Variants in PADI2 observed in about 807,000 individuals in gnomAD.
The protein encoded by PADI2 is protein-arginine deiminase type-2.
Under a neutral mutation model 81.1 loss-of-function variants are expected in PADI2, and 70 were observed. The ratio of observed to expected loss-of-function variants is 0.86; its 90% CI spans 0.71 to 1.05. PADI2 has a LOEUF of 1.05. Among genes scored for constraint, PADI2 ranks in the 50% least tolerant of loss-of-function variants. The probability of loss-of-function intolerance (pLI) is 0.00; values close to 1 mark genes in which losing one functional copy is unlikely to be tolerated. For synonymous variants in PADI2, 338 were observed against 358.0 expected, an observed-to-expected ratio of 0.94 and a Z score of 0.63; for missense variants, 853 against 889.9, an observed-to-expected ratio of 0.96 and a Z score of 0.53.
At position 17,097,811 on chromosome 1, in the gene PADI2, T is replaced by C. The variant is rs183947298; in HGVS notation, c.350-1841A>G. ...CAGGAATAATACTGGTTTTGGTTCC[T>C]GGACCTTTGTGAACTTTCCAGCCGG... On this transcript the variant is annotated intron_variant, in intron 3 of 15. Coordinates refer to ENST00000375486, the MANE Select transcript of PADI2 (RefSeq NM_007365.3). Among the ~76,000 whole-genome samples, 216 of 152,272 alleles carry C rather than the reference T, an allele frequency of 1.4e-3. 1 individual carries two copies. The highest frequency in any genetic ancestry group is 5.1e-3 in the African/African-American group (210 of 41,562).
At position 17,086,620 on chromosome 1, in the gene PADI2, G is replaced by A. The variant is rs201809367; in HGVS notation, c.735C>T (p.Ser245=). 8.7e-6 allele frequency: 14 copies of A among 1,614,046 alleles called. No homozygotes were observed. Among genetic ancestry groups the A allele is most frequent in the East Asian group, 2.2e-5 (1 of 44,860 alleles). ...CTTCCACGAAGAACAGCAGCTCCGC[G>A]GAGCCACCCGTGTACTTGACCACAT... is the stretch of plus-strand genomic sequence containing the variant. ...LYHVVKYTGG[S]AELLFFVEGL... Residue 245 remains serine, a synonymous_variant, in exon 7 of 16, where the codon TCC becomes TCT. Transcript: ENST00000375486.
At chr1:17,079,856 A>G (rs895664572) in intron 10 of PADI2, among the ~76,000 whole-genome samples, 36 of 150,928 alleles carry the variant, frequency 2.4e-4, no homozygotes, top group African/African-American at 8.8e-4. Context: ...GTGCGGTGGC[A>G]TGATCTCAGC....
intron 1 of PADI2, among the ~76,000 whole-genome samples, chr1:17,106,912 AC>A (rs1931400789): frequency 6.6e-6 from 1 of 150,902 alleles, no homozygotes; most frequent in Admixed American, 6.6e-5. Flanking sequence ...GAAAGCCGTC[AC>A]CAGAACCCCG....
intron 11 of PADI2, among the ~76,000 whole-genome samples, chr1:17,078,638 T>C (rs1351033192): frequency 6.6e-6 from 1 of 152,194 alleles, no homozygotes; most frequent in Non-Finnish European, 1.5e-5. Flanking sequence ...TCTGCTTGCC[T>C]CGGCCTCCCA....
Position 17,069,022 on chromosome 1 carries a change from A to G in PADI2, c.*22T>C. 4 of 1,577,616 alleles carry G rather than the reference A, an allele frequency of 2.5e-6. No individual in the cohort carries two copies. The Middle Eastern group carries it at 6.7e-4, about 264-fold the overall frequency. On this transcript the variant is annotated 3_prime_UTR_variant, in exon 16 of 16. Coordinates refer to ENST00000375486, the MANE Select transcript of PADI2 (RefSeq NM_007365.3). ...GTCTGGAGAACTAAGCGAAGGAGGC[A>G]AACGCCAGGGCCCCTGGCAGGTCAG...
chr1:17,075,750 G>T lies in PADI2; in HGVS notation c.1384C>A (p.Leu462Ile), dbSNP rs1470494881. The change falls in exon 12 of 16, where the codon CTC becomes ATC. Residue 462 changes from leucine to isoleucine, a missense_variant. Transcript: ENST00000375486. ...KAQQVQAPVE[L>I]YSDWLTVGHV... ...CCCACAGTCAGCCAGTCTGAGTAGA[G>T]CTCCACGGGCGCCTGCACCTGCTGG... 6.2e-7 allele frequency: 1 copy of T among 1,614,014 alleles called. No homozygotes were observed.
intron 1 of PADI2, among the ~76,000 whole-genome samples, chr1:17,112,222 G>C (rs1344397412): frequency 6.6e-6 from 1 of 152,094 alleles, no homozygotes; most frequent in Non-Finnish European, 1.5e-5. Flanking sequence ...CACTAGGTTG[G>C]TGTCAAACAA....
intron 6 of PADI2, 56 bp from the exon 7 acceptor site, chr1:17,086,755 G>T: frequency 6.6e-7 from 1 of 1,508,212 alleles, no homozygotes; most frequent in Non-Finnish European, 9.1e-7. Flanking sequence ...GAGGTCGGTG[G>T]GGTGGGATCA....
In PADI2 at chr1:17,071,427, C is replaced by A; in HGVS notation, c.1614G>T (p.Val538=). The change falls in exon 14 of 16, where the codon GTG becomes GTT. Residue 538 remains valine (V), a synonymous_variant. Coordinates refer to ENST00000375486, the MANE Select transcript of PADI2 (RefSeq NM_007365.3). The part of the protein sequence containing the change: ...INKILSNESL[V]QENLYFQRCL... ...TCACCTGGAAGTACAGGTTCTCCTG[C>A]ACAAGGCTCTCGTTGGACAGAATCT... The A allele has an allele frequency of 6.2e-7, 1 of 1,613,504 alleles. No individual in the cohort carries two copies. The highest frequency in any genetic ancestry group is 8.5e-7 in the Non-Finnish European group (1 of 1,179,352).
intron 3 of PADI2, 64 bp from the exon 4 acceptor site, chr1:17,096,034 G>A: frequency 7.7e-7 from 1 of 1,304,704 alleles, no homozygotes; most frequent in East Asian, 2.4e-5. Flanking sequence ...GGGGCAAGAG[G>A]AAGACCTGTG....
chr1:17,092,664 AGAGGCTG>A, intron 5 of PADI2, 131 bp from the exon 6 acceptor site: 4 of 807,148 alleles, frequency 5.0e-6, no homozygotes, highest in Non-Finnish European at 7.3e-6. Context: ...AAAAGCATAA[AGAGGCTG>A]GGTGCTGTGG....
At chr1:17,109,712 A>C (rs72905857) in intron 1 of PADI2, among the ~76,000 whole-genome samples, 19,138 of 151,844 alleles carry the variant, frequency 0.13, 1,627 homozygotes, top group African/African-American at 0.24. Flanking sequence ...GCTGGTCTTG[A>C]ATTTCTGACC....
At chr1:17,085,866 G>C (rs1370574656) in intron 7 of PADI2, among the ~76,000 whole-genome samples, 2 of 152,106 alleles carry the variant, frequency 1.3e-5, no homozygotes, top group Non-Finnish European at 2.9e-5. Context: ...TTTTCTGAGC[G>C]AAACAGGGTG....
chr1:17,081,521 G>A (rs925327874), intron 10 of PADI2, among the ~76,000 whole-genome samples: 2 of 152,160 alleles, frequency 1.3e-5, no homozygotes, highest in Admixed American at 1.3e-4. Flanking sequence ...AGGAATGTGG[G>A]GCAGAACAGG....
intron 2 of PADI2, 98 bp downstream of exon 2, chr1:17,104,778 CAT>C (rs1931297779): frequency 1.9e-6 from 2 of 1,042,008 alleles, no homozygotes. Flanking sequence ...GAAAATGACA[CAT>C]GGCCCACGTG....
chr1:17,089,620 T>G (rs1181959202), intron 6 of PADI2, among the ~76,000 whole-genome samples: 1 of 152,098 alleles, frequency 6.6e-6, no homozygotes, highest in Admixed American at 6.5e-5. Flanking sequence ...GCACCTCTAT[T>G]CTGGGCTGCT....
intron 6 of PADI2, among the ~76,000 whole-genome samples, chr1:17,087,212 G>A (rs2101587997): frequency 1.3e-5 from 2 of 152,276 alleles, no homozygotes; most frequent in East Asian, 3.9e-4. Flanking sequence ...CCATATCATG[G>A]AAGCCGTGTT....
intron 4 of PADI2, among the ~76,000 whole-genome samples, chr1:17,094,464 C>T (rs1203130827): frequency 2.0e-5 from 3 of 152,174 alleles, no homozygotes; most frequent in Admixed American, 6.5e-5. Flanking sequence ...TCCTGGAGGC[C>T]TTTCTGATTC....
chr1:17,086,292 G>A (rs1930412893), intron 7 of PADI2, among the ~76,000 whole-genome samples: 1 of 152,176 alleles, frequency 6.6e-6, no homozygotes, highest in South Asian at 2.1e-4. Flanking sequence ...TGCCCACAGG[G>A]AATCCGTGGG....
Sources: allele counts gnomAD v4.1 joint callset (sites outside exome capture counted in the v4.1 genomes callset), GRCh38; gene constraint gnomAD v4.1.1; transcripts MANE v1.5; gene names NCBI Gene and HGNC (gene_info 2026-07-23, HGNC 2026-07-21).